Variants in PID1 observed in about 807,000 individuals in gnomAD.
PID1 encodes the protein phosphotyrosine interaction domain containing 1, also known as PTB-containing, cubilin and LRP1-interacting protein.
Under a neutral mutation model 19.1 loss-of-function variants are expected in PID1, and 10 were observed. The observed-to-expected ratio is 0.52, with a 90% CI of 0.32 to 0.89. PID1 has a LOEUF of 0.89. Ranked by LOEUF, PID1 falls within the 40% of genes least tolerant of loss-of-function variation. The pLI is 0.03. For missense variants in PID1, 248 were observed against 285.3 expected (o/e 0.87, Z 0.94); for synonymous variants, 130 against 116.0 (o/e 1.12, Z -0.78).
intron 2 of PID1, among the ~76,000 whole-genome samples, chr2:229,109,276 T>C (rs1368827738): frequency 6.6e-6 from 1 of 152,134 alleles, no homozygotes; most frequent in Admixed American, 6.5e-5. Context: ...TACGGGTGAT[T>C]TCAAGCTCTT....
intron 2 of PID1, among the ~76,000 whole-genome samples, chr2:229,127,839 G>C (rs1695654511): frequency 6.6e-6 from 1 of 152,196 alleles, no homozygotes; most frequent in Admixed American, 6.5e-5. Context: ...TATATGCAGA[G>C]ACAGTGCCTG....
rs1376104074 is a variant in PID1 at position 229,024,455 on chromosome 2, G to T, written c.*1177C>A. ...AGAAATCTCAGGATTGTTTTAGTGA[G>T]AACTTCCCATTCAAAATAAAAAAAA... On this transcript the variant is annotated 3_prime_UTR_variant, in exon 3 of 3. Coordinates refer to ENST00000392055, the MANE Select transcript of PID1 (RefSeq NM_001100818.2). The T allele has an allele frequency of 6.6e-6, 1 of 152,284 alleles. No individual in the cohort carries two copies. The highest frequency in any genetic ancestry group is 2.4e-5 in the African/African-American group (1 of 41,272). The allele number at this position is 152,284 out of a possible 1,614,324, so 9.4% of individuals were successfully genotyped here. A position where few individuals can be genotyped will look rare whatever the true frequency, so the allele number is the denominator to read the frequency against.
rs1216303618 is a variant in PID1, at chr2:229,183,863, TCA to T, written c.31-27901_31-27900del. ...TAAATCTCTCTCCTTCTCTCTCTCC[TCA>T]CTCTCTCTCTTTCTATATATATATA... is the stretch of plus-strand genomic sequence containing the variant. On this transcript the variant is annotated intron_variant, in intron 1 of 2. Transcript: ENST00000392055. Among the ~76,000 whole-genome samples, 2 of 99,428 alleles carry T rather than the reference TCA, an allele frequency of 2.0e-5. 1 individual carries two copies. Among genetic ancestry groups the T allele is most frequent in the African/African-American group, 8.0e-5 (2 of 24,846 alleles). The allele number at this position is 99,428 out of a possible 152,430, so 65.2% of individuals were successfully genotyped here.
chr2:229,225,995 T>C (rs73998595), intron 1 of PID1, among the ~76,000 whole-genome samples: 5,341 of 152,258 alleles, frequency 0.035, 270 homozygotes, highest in African/African-American at 0.12. Flanking sequence ...ACTATGCCAA[T>C]GAGAGACCAT....
intron 1 of PID1, among the ~76,000 whole-genome samples, chr2:229,165,909 T>G (rs1174378417): frequency 6.6e-6 from 1 of 152,332 alleles, no homozygotes; most frequent in East Asian, 1.9e-4. Flanking sequence ...TGGATGAGTT[T>G]AGCAAAGTTG....
At chr2:229,178,871 C>T (rs1311032273) in intron 1 of PID1, among the ~76,000 whole-genome samples, 1 of 151,836 alleles carries the variant, frequency 6.6e-6, no homozygotes, top group Admixed American at 6.6e-5. Context: ...ATGCACCGGG[C>T]ACAAGTCAAG....
chr2:229,174,919 T>G (rs1359951158), intron 1 of PID1, among the ~76,000 whole-genome samples: 1 of 152,156 alleles, frequency 6.6e-6, no homozygotes, highest in Non-Finnish European at 1.5e-5. Flanking sequence ...AGTTCAACCC[T>G]TAAGAGTCTG....
rs554934450 is a variant in PID1 at position 229,040,947 on chromosome 2, A to C, written c.178-14839T>G. ...AATATGCAAAGCAGGGAGGCTACAC[A>C]GAACCCTGGGACATTAGAGTGGAAC... On this transcript the variant is annotated intron_variant, in intron 2 of 2. Transcript: ENST00000392055. 5.3e-5 allele frequency among the ~76,000 whole-genome samples: 8 copies of C among 152,360 alleles called. No homozygotes were observed. In the South Asian group the frequency reaches 1.7e-3, roughly 32 times the overall value.
chr2:229,138,685 A>G (rs11900362), intron 2 of PID1, among the ~76,000 whole-genome samples: 59,866 of 151,810 alleles, frequency 0.39, 11,990 homozygotes, highest in South Asian at 0.57. Context: ...GGGAGTCCAC[A>G]TAGTTTGAGC....
At chr2:229,253,305 G>T (rs1415598926) in intron 1 of PID1, among the ~76,000 whole-genome samples, 12 of 152,098 alleles carry the variant, frequency 7.9e-5, no homozygotes, top group Non-Finnish European at 2.9e-5. Flanking sequence ...TACTTTATTT[G>T]TTTTGGATGC....
chr2:229,163,946 G>A (rs1284025603), intron 1 of PID1, among the ~76,000 whole-genome samples: 1 of 152,028 alleles, frequency 6.6e-6, no homozygotes, highest in Non-Finnish European at 1.5e-5. Flanking sequence ...AATTTGAAGT[G>A]GTTTTCAAAA....
chr2:229,136,634 A>G (rs1245922367), intron 2 of PID1, among the ~76,000 whole-genome samples: 1 of 152,178 alleles, frequency 6.6e-6, no homozygotes, highest in Admixed American at 6.5e-5. Context: ...TGAACTGTTT[A>G]CCCTCCATTA....
intron 1 of PID1, among the ~76,000 whole-genome samples, chr2:229,163,648 AGAGT>A (rs1317463511): frequency 1.5e-5 from 2 of 132,950 alleles, no homozygotes; most frequent in African/African-American, 5.4e-5. Flanking sequence ...GGAGAGAGAG[AGAGT>A]GTGTGTGTGT....
At chr2:229,082,861 T>C (rs1288964992) in intron 2 of PID1, among the ~76,000 whole-genome samples, 3 of 152,176 alleles carry the variant, frequency 2.0e-5, no homozygotes, top group East Asian at 1.9e-4. Context: ...TTCTGACCTA[T>C]AGGACTGTGA....
At chr2:229,036,418 G>A (rs1443852885) in intron 2 of PID1, among the ~76,000 whole-genome samples, 1 of 152,114 alleles carries the variant, frequency 6.6e-6, no homozygotes, top group Non-Finnish European at 1.5e-5. Context: ...CCATTTTGGG[G>A]TCTGTCTTTT....
At chr2:229,212,508 G>T (rs1408272183) in intron 1 of PID1, among the ~76,000 whole-genome samples, 2 of 152,222 alleles carry the variant, frequency 1.3e-5, no homozygotes, top group African/African-American at 4.8e-5. Context: ...AGAGCTGAAA[G>T]GGCAGCTGGA....
chr2:229,270,643 CAAAAAAAAAAAA>C (rs368188721), intron 1 of PID1, among the ~76,000 whole-genome samples: 1 of 116,400 alleles, frequency 8.6e-6, no homozygotes, highest in Non-Finnish European at 1.8e-5. Flanking sequence ...CTGGTGACCA[CAAAAAAAAAAAA>C]AAAAAAAAAA....
At chr2:229,131,221 CTCTTT>C (rs1418345772) in intron 2 of PID1, among the ~76,000 whole-genome samples, 2 of 151,324 alleles carry the variant, frequency 1.3e-5, no homozygotes, top group African/African-American at 2.4e-5. Context: ...CTTTTCTTTT[CTCTTT>C]TCTTTTCTTC....
chr2:229,241,116 TC>T (rs1689855225), intron 1 of PID1, among the ~76,000 whole-genome samples: 1 of 152,174 alleles, frequency 6.6e-6, no homozygotes, highest in African/African-American at 2.4e-5. Flanking sequence ...TATGACAAAA[TC>T]CTTAGTTCCT....
Sources: allele counts gnomAD v4.1 joint callset (sites outside exome capture counted in the v4.1 genomes callset), GRCh38; gene constraint gnomAD v4.1.1; transcripts MANE v1.5; gene names NCBI Gene and HGNC (gene_info 2026-07-23, HGNC 2026-07-21).